The following DOK6 variants were observed in gnomAD, a reference collection of about 807,000 sequenced individuals.
DOK6 encodes the protein downstream of tyrosine kinase 6.
Under a neutral mutation model 44.0 loss-of-function variants are expected in DOK6, and 22 were observed. That is an observed-to-expected ratio of 0.50 (90% confidence interval 0.36 to 0.71). The LOEUF is 0.71. Among genes scored for constraint, DOK6 ranks in the 30% least tolerant of loss-of-function variants. The pLI is 0.00. For synonymous variants in DOK6, 166 were observed against 145.5 expected (o/e 1.14, Z -1.01); for missense variants, 340 against 416.4 (o/e 0.82, Z 1.60).
At chr18:69,411,510 G>A (rs1307049405) in intron 1 of DOK6, among the ~76,000 whole-genome samples, 2 of 152,058 alleles carry the variant, frequency 1.3e-5, no homozygotes, top group African/African-American at 2.4e-5. Context: ...TAGCTCTTGG[G>A]AAAAATGAGT....
At chr18:69,477,442 G>A (rs1980299137) in intron 1 of DOK6, among the ~76,000 whole-genome samples, 1 of 152,122 alleles carries the variant, frequency 6.6e-6, no homozygotes, top group African/African-American at 2.4e-5. Flanking sequence ...TTCTTTGTTT[G>A]CCATAGCAAT....
chr18:69,738,817 T>G, intron 5 of DOK6, 148 bp from the exon 6 acceptor site: 1 of 856,748 alleles, frequency 1.2e-6, no homozygotes. Flanking sequence ...CACTTTTTGG[T>G]TGGTTTGGTT....
chr18:69,703,802 T>C (rs1175443211), intron 5 of DOK6, among the ~76,000 whole-genome samples: 1 of 152,222 alleles, frequency 6.6e-6, no homozygotes, highest in Non-Finnish European at 1.5e-5. Context: ...GTTGAAACCC[T>C]AAACCCCAAA....
At chr18:69,552,471 G>A (rs1274598307) in intron 1 of DOK6, among the ~76,000 whole-genome samples, 2 of 152,058 alleles carry the variant, frequency 1.3e-5, no homozygotes. Flanking sequence ...ATAGGAACCT[G>A]TTTGGAAATA....
chr18:69,607,675 A>T (rs534287716), intron 3 of DOK6, among the ~76,000 whole-genome samples: 65 of 152,292 alleles, frequency 4.3e-4, no homozygotes, highest in African/African-American at 1.5e-3. Flanking sequence ...CTAACCAAAG[A>T]CAATATGTTA....
At chr18:69,462,831 G>A (rs1282209216) in intron 1 of DOK6, among the ~76,000 whole-genome samples, 1 of 152,128 alleles carries the variant, frequency 6.6e-6, no homozygotes, top group African/African-American at 2.4e-5. Context: ...ACTCTGTACC[G>A]AAGTAACTCA....
At chr18:69,492,516 T>C (rs1355367216) in intron 1 of DOK6, among the ~76,000 whole-genome samples, 1 of 152,138 alleles carries the variant, frequency 6.6e-6, no homozygotes, top group Non-Finnish European at 1.5e-5. Context: ...GATGTACAGA[T>C]TACTTTGTCA....
intron 3 of DOK6, chr18:69,659,840 TATATGTATGTTATATATATATATATAA>T (rs1568325192): frequency 0.014 from 634 of 45,132 alleles, 80 homozygotes; most frequent in East Asian, 0.1. Flanking sequence ...ATATATAACA[TATATGTATGTTATATATATATATATAA>T]AACATATATG....
chr18:69,815,806 T>C (rs1981382798), intron 7 of DOK6, among the ~76,000 whole-genome samples: 1 of 152,174 alleles, frequency 6.6e-6, no homozygotes, highest in African/African-American at 2.4e-5. Context: ...TATATGTATA[T>C]ATACAAACAT....
chr18:69,588,653 A>T (rs1356550766), intron 2 of DOK6, among the ~76,000 whole-genome samples: 1 of 152,188 alleles, frequency 6.6e-6, no homozygotes, highest in Non-Finnish European at 1.5e-5. Flanking sequence ...GATTCCCACC[A>T]GGACACACAC....
intron 3 of DOK6, among the ~76,000 whole-genome samples, chr18:69,670,201 G>A (rs73465980): frequency 0.018 from 2,776 of 152,200 alleles, 81 homozygotes; most frequent in African/African-American, 0.064. Flanking sequence ...CATGTTCAAT[G>A]GGGACTAACG....
chr18:69,763,038 A>C (rs932629958), intron 7 of DOK6, among the ~76,000 whole-genome samples: 2 of 152,204 alleles, frequency 1.3e-5, no homozygotes, highest in African/African-American at 2.4e-5. Context: ...AATCTCCAAT[A>C]CAATCTGCCT....
rs558990124 is a variant in DOK6 at position 69,672,270 on chromosome 18, A to G, written c.290-5464A>G. On this transcript the variant is annotated intron_variant, in intron 3 of 7. Coordinates refer to ENST00000382713, the MANE Select transcript of DOK6 (RefSeq NM_152721.6). The stretch of plus-strand genomic sequence containing the variant: ...CTCTACAAATCTGACTTCAACAGAA[A>G]AAGCTTGTTCCTGTAGGCTAACCAG... Among the ~76,000 whole-genome samples the G allele has an allele frequency of 6.6e-5, 10 of 152,348 alleles. No homozygotes were observed. The South Asian group carries it at 1.7e-3, about 25-fold the overall frequency.
At chr18:69,433,638 T>C (rs1438578579) in intron 1 of DOK6, among the ~76,000 whole-genome samples, 1 of 152,006 alleles carries the variant, frequency 6.6e-6, no homozygotes, top group Non-Finnish European at 1.5e-5. Flanking sequence ...TTTTAGAAGC[T>C]TTGCACTGTC....
At chr18:69,467,755 G>A (rs1979969847) in intron 1 of DOK6, among the ~76,000 whole-genome samples, 1 of 152,128 alleles carries the variant, frequency 6.6e-6, no homozygotes, top group African/African-American at 2.4e-5. Context: ...ATAATTACCT[G>A]AGGAGTTTGT....
chr18:69,575,354 G>A (rs756108663), intron 2 of DOK6, among the ~76,000 whole-genome samples: 20 of 152,056 alleles, frequency 1.3e-4, no homozygotes, highest in Non-Finnish European at 2.5e-4. Context: ...ACAGCAGATT[G>A]TAGTGAAATT....
chr18:69,816,840 G>C lies in DOK6; in HGVS notation c.857-24404G>C, dbSNP rs144417499. ...AATAGGACATAGGAGGAGAAGAGAA[G>C]GTCAAAACCATAGCAAATTTTAACA... On this transcript the variant is annotated intron_variant, in intron 7 of 7. Transcript: ENST00000382713. 5.5e-4 allele frequency among the ~76,000 whole-genome samples: 84 copies of C among 152,260 alleles called. No individual in the cohort carries two copies. The East Asian group carries it at 0.015, about 27-fold the overall frequency.
At chr18:69,613,394 CTGAG>C (rs905579894) in intron 3 of DOK6, among the ~76,000 whole-genome samples, 1 of 152,132 alleles carries the variant, frequency 6.6e-6, no homozygotes, top group Admixed American at 6.5e-5. Context: ...CTTTCTTTTA[CTGAG>C]TATGTCCCAG....
intron 2 of DOK6, among the ~76,000 whole-genome samples, chr18:69,580,153 CTG>C (rs1428764147): frequency 6.6e-6 from 1 of 152,092 alleles, no homozygotes; most frequent in Non-Finnish European, 1.5e-5. Flanking sequence ...CTGATTCAGA[CTG>C]TTTCAGGGTT....
Sources: gnomAD v4.1 joint callset for allele counts (sites outside exome capture counted in the v4.1 genomes callset) on GRCh38, gnomAD v4.1.1 for gene constraint, MANE v1.5 for transcripts, NCBI Gene and HGNC (gene_info 2026-07-23, HGNC 2026-07-21) for gene names.